The following AXL variants were observed in gnomAD, a reference collection of about 807,000 sequenced individuals.
AXL encodes the protein AXL receptor tyrosine kinase.
AXL carries 52 observed loss-of-function variants against 104.5 expected under a neutral mutation model. The observed-to-expected ratio is 0.50, with a 90% CI of 0.40 to 0.63. AXL has a LOEUF of 0.63. Ranked by LOEUF, AXL falls within the 20% of genes least tolerant of loss-of-function variation. AXL has a pLI of 0.00. For missense variants in AXL, 1,024 were observed against 1,188.5 expected, an observed-to-expected ratio of 0.86 and a Z score of 2.04; for synonymous variants, 455 against 473.7, an observed-to-expected ratio of 0.96 and a Z score of 0.51.
In AXL at chr19:41,239,685, T is replaced by C. The variant is rs745919288; in HGVS notation, c.1286-9T>C. Reference sequence around the variant, plus strand: ...GAGCACATCTCCTCTCTGTCCTTTCTTCTCACAGGGCAAGCACAGCCAGTC... The same window carrying C: ...GAGCACATCTCCTCTCTGTCCTTTCCTCTCACAGGGCAAGCACAGCCAGTC... On this transcript the variant is annotated splice_polypyrimidine_tract_variant and intron_variant, in intron 9 of 19. Coordinates refer to ENST00000301178, the MANE Select transcript of AXL (RefSeq NM_021913.5). 8.1e-6 allele frequency: 13 copies of C among 1,614,036 alleles called. No homozygotes were observed. The Admixed American group carries it at 1.5e-4, about 19-fold the overall frequency.
chr19:41,237,802 G>A (rs561924613), intron 6 of AXL, 142 bp from the exon 7 acceptor site: 8 of 762,616 alleles, frequency 1.0e-5, no homozygotes, highest in East Asian at 2.7e-5. Flanking sequence ...CCAGGTGCCC[G>A]TGTTATCCTA....
chr19:41,245,581 G>C (rs1248946926), intron 12 of AXL, among the ~76,000 whole-genome samples: 5 of 152,116 alleles, frequency 3.3e-5, no homozygotes, highest in Non-Finnish European at 7.4e-5. Context: ...AAATTAGCCA[G>C]ATGTAATCTG....
At chr19:41,221,438 C>T (rs1209361547) in intron 3 of AXL, 192 bp downstream of exon 3, 6 of 559,598 alleles carry the variant, frequency 1.1e-5, no homozygotes, top group Non-Finnish European at 1.9e-5. Context: ...AGTTATGGTG[C>T]CAAGGCTGGG....
intron 16 of AXL, among the ~76,000 whole-genome samples, chr19:41,253,300 A>G (rs1289325060): frequency 2.6e-5 from 4 of 152,088 alleles, no homozygotes; most frequent in Admixed American, 2.6e-4. Flanking sequence ...AAGCGACCCC[A>G]ACAGAGCGCA....
intron 15 of AXL, 65 bp from the exon 16 acceptor site, chr19:41,252,781 G>A: frequency 6.2e-7 from 1 of 1,604,444 alleles, no homozygotes; most frequent in Non-Finnish European, 8.5e-7. Flanking sequence ...CTGGAGGCTG[G>A]CTGGTGGGGG....
At chr19:41,219,910 C>G (rs1369238566) in intron 1 of AXL, among the ~76,000 whole-genome samples, 4 of 151,854 alleles carry the variant, frequency 2.6e-5, no homozygotes, top group Non-Finnish European at 5.9e-5. Flanking sequence ...CACCACCCCC[C>G]TGACCCGCCA....
intron 10 of AXL, among the ~76,000 whole-genome samples, chr19:41,242,448 G>GAGTAGCT (rs2034200181): frequency 6.7e-6 from 1 of 149,578 alleles, no homozygotes; most frequent in East Asian, 2.0e-4. Flanking sequence ...CTCAGCTCCC[G>GAGTAGCT]AGTAGCTGGG....
intron 12 of AXL, among the ~76,000 whole-genome samples, chr19:41,244,191 C>A (rs910615099): frequency 6.6e-6 from 1 of 151,380 alleles, no homozygotes; most frequent in Non-Finnish European, 1.5e-5. Context: ...GGTGACAGAG[C>A]AAGACCCTGT....
At position 41,220,786 on chromosome 19, in the gene AXL, C is replaced by T. The variant is rs776776986; in HGVS notation, c.236C>T (p.Ala79Val). Residue 79 changes from alanine to valine, a missense_variant, in exon 2 of 20, where the codon GCG (alanine) becomes GTG (valine). Physicochemically the swap from Ala to Val is moderately conservative, Grantham distance 64. Around this residue, in one of 5 missense-constraint regions of AXL, gnomAD observed 124 missense variants for 115.5 expected, o/e 1.07. Coordinates refer to ENST00000301178, the MANE Select transcript of AXL (RefSeq NM_021913.5). Reference protein sequence around the residue: ...WLRDGQILELADSTQTQVPLG... With the variant: ...WLRDGQILELVDSTQTQVPLG... ...CGGGATGGACAGATCCTGGAGCTCG[C>T]GGACAGCACCCAGACCCAGGTGCCC... 87 of 1,614,016 alleles carry T rather than the reference C, an allele frequency of 5.4e-5. No individual in the cohort carries two copies. In the Admixed American group the frequency reaches 1.3e-3, roughly 25 times the overall value.
chr19:41,221,063 C>T (rs1870732004), intron 2 of AXL, 83 bp from the exon 3 acceptor site: 1 of 1,339,568 alleles, frequency 7.5e-7, no homozygotes, highest in Non-Finnish European at 1.0e-6. Context: ...CCAGACTGGA[C>T]ACCCTCTTTC....
intron 19 of AXL, among the ~76,000 whole-genome samples, chr19:41,259,264 T>C (rs1290900319): frequency 6.6e-6 from 1 of 152,122 alleles, no homozygotes; most frequent in Non-Finnish European, 1.5e-5. Context: ...TTGATGCAAG[T>C]CTGTTCTGGG....
intron 12 of AXL, among the ~76,000 whole-genome samples, chr19:41,244,280 T>C (rs2034235033): frequency 6.6e-6 from 1 of 151,888 alleles, no homozygotes; most frequent in African/African-American, 2.4e-5. Context: ...GATGTAATGA[T>C]GATGATAATG....
Position 41,260,029 on chromosome 19 carries a change from TC to T in AXL, c.*128del. ...ACTTGCAGCCCTGTCTTCCTACCTA[TC>T]CCACCTCCATCCCAGACAGGTCCCT... On this transcript the variant is annotated 3_prime_UTR_variant, in exon 20 of 20. Transcript: ENST00000301178. The T allele has an allele frequency of 4.7e-6, 4 of 850,484 alleles. No individual in the cohort carries two copies. In the South Asian group the frequency reaches 5.6e-5, roughly 12 times the overall value. The allele number at this position is 850,484 out of a possible 1,614,324, so 52.7% of individuals were successfully genotyped here. A position where few individuals can be genotyped will look rare whatever the true frequency, so the allele number is the denominator to read the frequency against.
At position 41,260,353 on chromosome 19, in the gene AXL, C is replaced by A. The variant is rs574401577; in HGVS notation, c.*449C>A. On this transcript the variant is annotated 3_prime_UTR_variant, in exon 20 of 20. Transcript: ENST00000301178. ...TTGCGATAGAGTCTCACTGTGTCAC[C>A]CAGGCTGGAGTGCAGTGGTGCAATC... The A allele has an allele frequency of 6.6e-4, 94 of 143,190 alleles. No individual in the cohort carries two copies. Among genetic ancestry groups the A allele is most frequent in the African/African-American group, 3.1e-3 (90 of 29,468 alleles). 8.9% of individuals were successfully genotyped at this position (143,190 alleles called of 1,614,324 possible).
At chr19:41,239,672 T>A in intron 9 of AXL, 22 bp from the exon 10 acceptor site, 1 of 1,614,122 alleles carries the variant, frequency 6.2e-7, no homozygotes, top group Non-Finnish European at 8.5e-7. Flanking sequence ...GCACATCTCC[T>A]CTCTGTCCTT....
intron 4 of AXL, among the ~76,000 whole-genome samples, chr19:41,227,752 G>T (rs1369160956): frequency 6.6e-6 from 1 of 152,082 alleles, no homozygotes; most frequent in African/African-American, 2.4e-5. Context: ...GCCTCCCAAA[G>T]TGCTGGGATT....
At chr19:41,257,436 A>G (rs750738198) in intron 18 of AXL, 57 bp from the exon 19 acceptor site, 40 of 1,607,796 alleles carry the variant, frequency 2.5e-5, no homozygotes, top group East Asian at 4.5e-5. Flanking sequence ...GAACCTGGGT[A>G]TTGGTGCGGG....
In AXL at chr19:41,219,537, G is replaced by A. The variant is rs2033746973; in HGVS notation, c.85+60G>A. 10 of 1,527,046 alleles carry A rather than the reference G, an allele frequency of 6.5e-6. No individual in the cohort carries two copies. The South Asian group carries it at 1.2e-4, about 18-fold the overall frequency. 94.6% of individuals were successfully genotyped at this position (1,527,046 alleles called of 1,614,324 possible). On this transcript the variant is annotated intron_variant, in intron 1 of 19. Transcript: ENST00000301178. ...CTCGGAGGGGCTGGGGCAGGGGTAG[G>A]AGGTGGGGGATGATGGCAGGTGTGG...
At chr19:41,228,515 C>T (rs2033922079) in intron 4 of AXL, among the ~76,000 whole-genome samples, 1 of 152,140 alleles carries the variant, frequency 6.6e-6, no homozygotes, top group Admixed American at 6.6e-5. Flanking sequence ...GATCATGCCA[C>T]TGCACTTTAG....
Sources: allele counts gnomAD v4.1 joint callset (sites outside exome capture counted in the v4.1 genomes callset), GRCh38; gene constraint gnomAD v4.1.1; regional missense constraint gnomAD v4.1.1; transcripts MANE v1.5; gene names NCBI Gene and HGNC (gene_info 2026-07-23, HGNC 2026-07-21).